Variants in ABCB7 observed in about 807,000 individuals in gnomAD.
The protein encoded by ABCB7 is iron-sulfur clusters transporter ABCB7, mitochondrial.
ABCB7 carries 7 observed loss-of-function variants against 54.4 expected under a neutral mutation model. The observed-to-expected ratio is 0.13, with a 90% CI of 0.07 to 0.24. ABCB7 has a LOEUF of 0.24. ABCB7 is among the 10% of genes least tolerant of loss of function. The pLI is 1.00. For synonymous variants in ABCB7, 218 were observed against 207.1 expected, an observed-to-expected ratio of 1.05 and a Z score of -0.45; for missense variants, 356 against 570.4, an observed-to-expected ratio of 0.62 and a Z score of 3.83.
At chrX:75,097,606 A>G (rs1004639485) in intron 4 of ABCB7, 4 of 111,531 alleles carry the variant, frequency 3.6e-5, no homozygotes, top group East Asian at 2.8e-4. Flanking sequence ...GAAAAGAATA[A>G]GCAAATAAAG....
Position 75,069,313 on chromosome X carries a change from T to C in ABCB7, c.1507A>G (p.Ile503Val). Residue 503 changes from isoleucine (I) to valine (V), a missense_variant, in exon 11 of 16, where the codon ATT (isoleucine) becomes GTT (valine). This residue lies in a region of ABCB7 where 241 missense variants were observed against 470.9 expected (regional missense o/e 0.51). Coordinates refer to ENST00000373394, the MANE Select transcript of ABCB7 (RefSeq NM_001271696.3). ...CACCCTGACCCACTACCTCCTACAATGGCCACTTTCTTTCCTGCAGGGACT... is the reference window on the plus strand; with the variant it reads ...CACCCTGACCCACTACCTCCTACAACGGCCACTTTCTTTCCTGCAGGGACT... ...FEVPAGKKVA[I>V]VGGSGSGKST... is the part of the protein sequence containing the mutation. 1 of 1,211,689 alleles carries C rather than the reference T, an allele frequency of 8.3e-7. No homozygotes were observed. The highest frequency in any genetic ancestry group is 1.8e-5 in the South Asian group (1 of 56,990).
intron 3 of ABCB7, among the ~76,000 whole-genome samples, chrX:75,107,074 G>A (rs905744445): frequency 9.0e-5 from 10 of 110,977 alleles, no homozygotes; most frequent in Non-Finnish European, 1.9e-4. Context: ...GGAGAGCACC[G>A]CAACTGTGAG....
In ABCB7 at chrX:75,052,999, A is replaced by G. The variant is rs1486221895; in HGVS notation, c.*371T>C. Reference sequence around the variant, plus strand: ...CTTTTTCTTTCATGTTAAGAAACAGACACTTTCCCTCTAAATTGTCAGCAT... The same window carrying G: ...CTTTTTCTTTCATGTTAAGAAACAGGCACTTTCCCTCTAAATTGTCAGCAT... On this transcript the variant is annotated 3_prime_UTR_variant, in exon 16 of 16. Transcript: ENST00000373394. The G allele has an allele frequency of 1.1e-5, 2 of 177,456 alleles. No homozygotes were observed. Among genetic ancestry groups the G allele is most frequent in the Non-Finnish European group, 2.1e-5 (2 of 95,476 alleles). 14.6% of individuals were successfully genotyped at this position (177,456 alleles called of 1,213,427 possible).
chrX:75,110,213 C>T (rs1205001795), intron 3 of ABCB7, among the ~76,000 whole-genome samples: 2 of 111,850 alleles, frequency 1.8e-5, no homozygotes, highest in Non-Finnish European at 3.8e-5. Context: ...AAAAGAACTA[C>T]CCGCCAGACT....
chrX:75,075,747 TCA>T, intron 5 of ABCB7, 117 bp from the exon 6 acceptor site: 1 of 718,890 alleles, frequency 1.4e-6, no homozygotes, highest in South Asian at 2.8e-5. Context: ...AATGAATATA[TCA>T]CAGAATATTT....
At chrX:75,065,720 T>G (rs898573676) in intron 12 of ABCB7, among the ~76,000 whole-genome samples, 1 of 112,113 alleles carries the variant, frequency 8.9e-6, no homozygotes, top group Non-Finnish European at 1.9e-5. Context: ...ATTATGTATA[T>G]GACTTTGTAC....
intron 1 of ABCB7, among the ~76,000 whole-genome samples, chrX:75,138,501 T>C (rs1037389948): frequency 4.5e-5 from 5 of 111,882 alleles, no homozygotes; most frequent in Non-Finnish European, 3.8e-5. Flanking sequence ...CCAAACCAGA[T>C]ACTAATATTG....
chrX:75,098,499 T>C (rs1192881514), intron 4 of ABCB7, among the ~76,000 whole-genome samples: 2 of 111,254 alleles, frequency 1.8e-5, no homozygotes, highest in Non-Finnish European at 3.8e-5. Context: ...TGTTTTGTTT[T>C]GTTTTTTTAG....
chrX:75,069,215 T>C, intron 11 of ABCB7, 76 bp downstream of exon 11: 1 of 1,200,306 alleles, frequency 8.3e-7, no homozygotes, highest in Non-Finnish European at 1.1e-6. Flanking sequence ...AGTAATCATT[T>C]TGATAAAGAA....
In ABCB7 at chrX:75,051,777, T is replaced by C. The variant is rs1245031027; in HGVS notation, c.*1593A>G. The C allele has an allele frequency of 8.9e-6, 1 of 112,546 alleles. No individual in the cohort carries two copies. Among genetic ancestry groups the C allele is most frequent in the African/African-American group, 3.2e-5 (1 of 30,994 alleles). The allele number at this position is 112,546 out of a possible 1,213,427, so 9.3% of individuals were successfully genotyped here. A position where few individuals can be genotyped will look rare whatever the true frequency, so the allele number is the denominator to read the frequency against. ...AAGAGTATAATATGTAATACTCTAT[T>C]TACCTAAATGTTAATATTTTTTAAA... On this transcript the variant is annotated 3_prime_UTR_variant, in exon 16 of 16. Transcript: ENST00000373394.
chrX:75,134,686 A>T (rs1337983115), intron 1 of ABCB7, among the ~76,000 whole-genome samples: 1 of 112,228 alleles, frequency 8.9e-6, no homozygotes, highest in African/African-American at 3.2e-5. Flanking sequence ...TCAATACTAT[A>T]AAAGTACATG....
chrX:75,148,332 T>C (rs1196822943), intron 1 of ABCB7, among the ~76,000 whole-genome samples: 2 of 110,621 alleles, frequency 1.8e-5, no homozygotes, highest in Non-Finnish European at 3.8e-5. Flanking sequence ...TGTGTATCCA[T>C]AATAGCAAAT....
chrX:75,142,542 G>T (rs1448629080), intron 1 of ABCB7, among the ~76,000 whole-genome samples: 1 of 111,885 alleles, frequency 8.9e-6, no homozygotes, highest in Non-Finnish European at 1.9e-5. Flanking sequence ...AGTTTAGAAA[G>T]AAATATGATG....
At chrX:75,094,488 G>A (rs1412034248) in intron 4 of ABCB7, among the ~76,000 whole-genome samples, 6 of 111,434 alleles carry the variant, frequency 5.4e-5, no homozygotes, top group African/African-American at 9.8e-5. Context: ...TGAGGCGGGC[G>A]GATCACCTGA....
intron 4 of ABCB7, among the ~76,000 whole-genome samples, chrX:75,079,549 T>C (rs2081438897): frequency 1.8e-5 from 2 of 111,738 alleles, no homozygotes; most frequent in Non-Finnish European, 3.8e-5. Flanking sequence ...AAACAGTACG[T>C]AGTACAAAGA....
At chrX:75,080,107 C>A (rs889869532) in intron 4 of ABCB7, among the ~76,000 whole-genome samples, 13 of 112,058 alleles carry the variant, frequency 1.2e-4, no homozygotes, top group African/African-American at 4.2e-4. Context: ...TTTATTCAAC[C>A]AGTCACCCCG....
intron 1 of ABCB7, among the ~76,000 whole-genome samples, chrX:75,143,273 G>A (rs912353531): frequency 3.6e-5 from 4 of 111,652 alleles, no homozygotes; most frequent in African/African-American, 1.3e-4. Flanking sequence ...GGGGCAAAAT[G>A]CCACCAGTCT....
At chrX:75,126,365 T>C (rs1029705976) in intron 1 of ABCB7, among the ~76,000 whole-genome samples, 8 of 111,752 alleles carry the variant, frequency 7.2e-5, no homozygotes, top group Admixed American at 6.7e-4. Context: ...ATGAGAACAA[T>C]GACACAACGT....
At chrX:75,141,878 G>A (rs999128066) in intron 1 of ABCB7, among the ~76,000 whole-genome samples, 7 of 111,117 alleles carry the variant, frequency 6.3e-5, no homozygotes, top group African/African-American at 2.3e-4. Flanking sequence ...AAAGATGAGG[G>A]CATGTCCAAA....
Sources: gnomAD v4.1 joint callset for allele counts (sites outside exome capture counted in the v4.1 genomes callset) on GRCh38, gnomAD v4.1.1 for gene constraint, gnomAD v4.1.1 regional missense constraint, MANE v1.5 for transcripts, NCBI Gene and HGNC (gene_info 2026-07-23, HGNC 2026-07-21) for gene names.